Variants in KANSL1L observed in about 807,000 individuals in gnomAD.
KANSL1L encodes KAT8 regulatory NSL complex subunit 1 like.
In KANSL1L, 25 loss-of-function variants were observed where a neutral mutation model predicts 108.6. That is an observed-to-expected ratio of 0.23 (90% CI 0.17 to 0.32). The LOEUF is 0.32. Ranked by LOEUF, KANSL1L falls within the 10% of genes least tolerant of loss-of-function variation. KANSL1L has a pLI of 1.00. For synonymous variants in KANSL1L, 405 were observed against 395.1 expected (o/e 1.03, Z -0.30); for missense variants, 1,137 against 1,125.7 (o/e 1.01, Z -0.14).
intron 1 of KANSL1L, chr2:210,170,378 G>T: frequency 6.1e-6 from 6 of 985,406 alleles, no homozygotes; most frequent in Non-Finnish European, 7.2e-6. Context: ...GACTCTCCCA[G>T]AGTAAGAAAA....
intron 8 of KANSL1L, among the ~76,000 whole-genome samples, chr2:210,034,392 A>T (rs979110842): frequency 8.5e-5 from 13 of 152,242 alleles, no homozygotes; most frequent in Admixed American, 8.5e-4. Flanking sequence ...AATAGCATGT[A>T]CAATGGCCCA....
intron 6 of KANSL1L, among the ~76,000 whole-genome samples, chr2:210,060,649 C>T (rs1009458729): frequency 5.3e-5 from 8 of 152,166 alleles, no homozygotes; most frequent in East Asian, 1.9e-4. Context: ...TGGTAAACAG[C>T]TTACCAGAGA....
At chr2:210,152,076 G>A (rs2095307475) in intron 2 of KANSL1L, 1 of 152,058 alleles carries the variant, frequency 6.6e-6, no homozygotes, top group African/African-American at 2.4e-5. Context: ...TCATCACCCA[G>A]GTTTTAAGCC....
intron 2 of KANSL1L, among the ~76,000 whole-genome samples, chr2:210,144,503 T>A (rs2095252261): frequency 1.3e-5 from 2 of 151,572 alleles, no homozygotes; most frequent in African/African-American, 4.9e-5. Flanking sequence ...CTCCTTTTCA[T>A]TATTTTTCCT....
intron 12 of KANSL1L, among the ~76,000 whole-genome samples, chr2:210,025,691 G>A (rs574724686): frequency 1.3e-5 from 2 of 152,272 alleles, no homozygotes; most frequent in East Asian, 1.9e-4. Context: ...TGTAAAAGGG[G>A]AGTCAAAATT....
At chr2:210,127,914 AAAAC>A (rs1203676098) in intron 3 of KANSL1L, among the ~76,000 whole-genome samples, 2 of 151,946 alleles carry the variant, frequency 1.3e-5, no homozygotes, top group African/African-American at 4.8e-5. Context: ...CAACAAGAAA[AAAAC>A]AAGCAAGCAA....
chr2:210,025,632 A>G (rs1559493933), intron 12 of KANSL1L, among the ~76,000 whole-genome samples: 1 of 152,246 alleles, frequency 6.6e-6, no homozygotes, highest in Non-Finnish European at 1.5e-5. Flanking sequence ...AATAAATGCT[A>G]TCTGTGTAAG....
At chr2:210,115,424 GA>G (rs2094945006) in intron 3 of KANSL1L, among the ~76,000 whole-genome samples, 1 of 152,096 alleles carries the variant, frequency 6.6e-6, no homozygotes. Context: ...TAACAGATAA[GA>G]AAATAAACAA....
chr2:210,086,324 G>A (rs2094636812), intron 5 of KANSL1L, among the ~76,000 whole-genome samples: 2 of 151,966 alleles, frequency 1.3e-5, no homozygotes, highest in African/African-American at 2.4e-5. Flanking sequence ...GATAAACAAG[G>A]ATTAATTTAT....
At chr2:210,093,987 A>G (rs2094714614) in intron 5 of KANSL1L, among the ~76,000 whole-genome samples, 1 of 152,196 alleles carries the variant, frequency 6.6e-6, no homozygotes, top group African/African-American at 2.4e-5. Flanking sequence ...ATGTGATCCC[A>G]CTTATACGGT....
chr2:210,154,701 G>T, intron 1 of KANSL1L, 90 bp from the exon 2 acceptor site: 1 of 691,408 alleles, frequency 1.4e-6, no homozygotes, highest in Non-Finnish European at 2.1e-6. Flanking sequence ...CAATGTTTCT[G>T]ATTAGAACAT....
intron 1 of KANSL1L, among the ~76,000 whole-genome samples, chr2:210,164,226 C>A (rs969392897): frequency 8.5e-5 from 13 of 152,080 alleles, no homozygotes; most frequent in African/African-American, 3.1e-4. Flanking sequence ...AGTCTTGTAA[C>A]CAGGGATCAA....
chr2:210,141,162 CTGTTTTCTTTCT>C (rs2095225009), intron 2 of KANSL1L, among the ~76,000 whole-genome samples: 1 of 142,548 alleles, frequency 7.0e-6, no homozygotes, highest in African/African-American at 2.9e-5. Context: ...CCACTCCTCT[CTGTTTTCTTTCT>C]TTTCTTTCTC....
intron 6 of KANSL1L, among the ~76,000 whole-genome samples, chr2:210,073,137 T>C (rs761673901): frequency 6.6e-6 from 1 of 152,130 alleles, no homozygotes; most frequent in Non-Finnish European, 1.5e-5. Context: ...AACATGTCTT[T>C]ATCATTTTTT....
chr2:210,026,196 A>G (rs942437346), intron 12 of KANSL1L, among the ~76,000 whole-genome samples: 3 of 152,104 alleles, frequency 2.0e-5, no homozygotes, highest in Non-Finnish European at 4.4e-5. Context: ...TTAGAAGGTA[A>G]ATTTTAGTAG....
At position 210,025,194 on chromosome 2, in the gene KANSL1L, A is replaced by G. The variant is rs1401233460; in HGVS notation, c.2474T>C (p.Val825Ala). Reference protein sequence around the residue: ...KEEIEDLSDEVFSLRHKKYEE... With the variant: ...KEEIEDLSDEAFSLRHKKYEE... ...ATATTTTTTGTGCCTTAGGGAGAAG[A>G]CTTCATCAGAAAGATCTTCTATCTG... The change falls in exon 13 of 15, where the codon GTC becomes GCC. Residue 825 changes from valine to alanine, a missense_variant. Physicochemically the swap from Val to Ala is moderately conservative, Grantham distance 64. Transcript: ENST00000281772. The G allele has an allele frequency of 6.3e-7, 1 of 1,597,852 alleles. No individual in the cohort carries two copies. The highest frequency in any genetic ancestry group is 1.7e-5 in the Admixed American group (1 of 59,990).
At chr2:210,110,649 G>A in intron 3 of KANSL1L, among the ~76,000 whole-genome samples, 1 of 152,126 alleles carries the variant, frequency 6.6e-6, no homozygotes, top group Middle Eastern at 3.2e-3. Flanking sequence ...AAAAATTAAA[G>A]AGTGGTTAAG....
chr2:210,102,048 A>T (rs1483263781), intron 4 of KANSL1L, among the ~76,000 whole-genome samples: 2 of 152,114 alleles, frequency 1.3e-5, no homozygotes. Context: ...TAAATAGGGG[A>T]TCTTTTCCCC....
intron 1 of KANSL1L, among the ~76,000 whole-genome samples, chr2:210,160,095 G>C (rs2095354001): frequency 6.6e-6 from 1 of 152,150 alleles, no homozygotes; most frequent in East Asian, 1.9e-4. Flanking sequence ...GAAACCATAT[G>C]ATGTCAATAA....
Sources: allele counts gnomAD v4.1 joint callset (sites outside exome capture counted in the v4.1 genomes callset), GRCh38; gene constraint gnomAD v4.1.1; transcripts MANE v1.5; gene names NCBI Gene and HGNC (gene_info 2026-07-23, HGNC 2026-07-21).